CNTN5: variants seen among roughly 807,000 people sequenced by gnomAD.
CNTN5 encodes contactin 5.
In CNTN5, 77 loss-of-function variants were observed where a neutral mutation model predicts 129.1. The observed-to-expected ratio is 0.60, with a 90% CI of 0.50 to 0.72. The LOEUF (loss-of-function observed/expected upper bound fraction) is 0.72. Ranked by LOEUF, CNTN5 falls within the 30% of genes least tolerant of loss-of-function variation. The probability of loss-of-function intolerance (pLI) is 0.00; values close to 1 mark genes in which losing one functional copy is unlikely to be tolerated. For synonymous variants in CNTN5, 509 were observed against 465.6 expected, an observed-to-expected ratio of 1.09 and a Z score of -1.20; for missense variants, 1,478 against 1,328.8, an observed-to-expected ratio of 1.11 and a Z score of -1.75.
chr11:100,197,127 ATC>A (rs1464331115), intron 15 of CNTN5, among the ~76,000 whole-genome samples: 4 of 151,958 alleles, frequency 2.6e-5, no homozygotes, highest in Non-Finnish European at 5.9e-5. Context: ...GAGAAGCTGC[ATC>A]TCAGACAGAG....
At chr11:99,492,094 G>C (rs1418217312) in intron 2 of CNTN5, among the ~76,000 whole-genome samples, 1 of 152,054 alleles carries the variant, frequency 6.6e-6, no homozygotes, top group African/African-American at 2.4e-5. Context: ...TTTGTTGAGG[G>C]GAGCCATCTG....
chr11:100,002,217 T>C, intron 9 of CNTN5, 81 bp downstream of exon 9: 3 of 914,230 alleles, frequency 3.3e-6, no homozygotes, highest in Non-Finnish European at 4.7e-6. Flanking sequence ...CTTATTTTGC[T>C]AGGTGTCATT....
chr11:99,294,404 C>T (rs1453387436), intron 1 of CNTN5, among the ~76,000 whole-genome samples: 1 of 152,074 alleles, frequency 6.6e-6, no homozygotes, highest in East Asian at 1.9e-4. Context: ...ATTAGGAAAG[C>T]AATCCCATTT....
intron 3 of CNTN5, among the ~76,000 whole-genome samples, chr11:99,712,339 T>C (rs949811484): frequency 2.2e-4 from 33 of 152,274 alleles, no homozygotes; most frequent in African/African-American, 7.9e-4. Flanking sequence ...TTTGTTTTCT[T>C]GTAAATTTGA....
At chr11:100,307,542 C>G (rs1317712633) in intron 20 of CNTN5, among the ~76,000 whole-genome samples, 3 of 151,462 alleles carry the variant, frequency 2.0e-5, no homozygotes, top group Non-Finnish European at 4.4e-5. Context: ...TGTGAAAGGT[C>G]ACTGAATGTA....
At chr11:100,166,792 CTGTT>C (rs142590887) in intron 13 of CNTN5, among the ~76,000 whole-genome samples, 2,320 of 151,894 alleles carry the variant, frequency 0.015, 24 homozygotes, top group Non-Finnish European at 0.022. Context: ...GGTGGATTCT[CTGTT>C]TGGTCAGATA....
At chr11:100,292,539 G>A (rs371808043) in intron 18 of CNTN5, among the ~76,000 whole-genome samples, 11 of 152,036 alleles carry the variant, frequency 7.2e-5, no homozygotes, top group Admixed American at 2.6e-4. Flanking sequence ...AGAAAACTCC[G>A]AAACTCAGTA....
chr11:99,735,381 G>A (rs958894945), intron 3 of CNTN5, among the ~76,000 whole-genome samples: 1 of 152,146 alleles, frequency 6.6e-6, no homozygotes, highest in Non-Finnish European at 1.5e-5. Context: ...ATTTTAAAAA[G>A]TAGAAGGTAT....
intron 7 of CNTN5, among the ~76,000 whole-genome samples, chr11:99,919,973 C>T (rs1949895597): frequency 6.6e-6 from 1 of 151,960 alleles, no homozygotes; most frequent in Non-Finnish European, 1.5e-5. Flanking sequence ...CATTTTAATG[C>T]AATCATACAA....
intron 3 of CNTN5, among the ~76,000 whole-genome samples, chr11:99,732,211 A>G (rs1246724630): frequency 6.6e-6 from 1 of 150,606 alleles, no homozygotes; most frequent in Non-Finnish European, 1.5e-5. Flanking sequence ...GATAGTGAAT[A>G]ATGAAAAACT....
chr11:99,855,376 A>G (rs1948000525), intron 6 of CNTN5, among the ~76,000 whole-genome samples: 1 of 152,214 alleles, frequency 6.6e-6, no homozygotes, highest in African/African-American at 2.4e-5. Context: ...CAAGTTCAGT[A>G]TGATAGAAAC....
intron 2 of CNTN5, among the ~76,000 whole-genome samples, chr11:99,436,939 T>C (rs532310716): frequency 6.6e-6 from 1 of 152,280 alleles, no homozygotes; most frequent in African/African-American, 2.4e-5. Flanking sequence ...TCTACCTTCA[T>C]GATGTTAATT....
chr11:99,143,149 A>T (rs907075551), intron 1 of CNTN5, among the ~76,000 whole-genome samples: 22 of 151,996 alleles, frequency 1.4e-4, no homozygotes, highest in African/African-American at 5.3e-4. Flanking sequence ...TTATCCGATG[A>T]CATTAAGGCA....
chr11:99,597,052 G>A (rs1950148472), intron 3 of CNTN5, among the ~76,000 whole-genome samples: 1 of 152,086 alleles, frequency 6.6e-6, no homozygotes. Context: ...GCTATACATA[G>A]TATTCATTTT....
intron 21 of CNTN5, among the ~76,000 whole-genome samples, chr11:100,327,099 T>C (rs1951805063): frequency 6.6e-6 from 1 of 152,250 alleles, no homozygotes; most frequent in Non-Finnish European, 1.5e-5. Context: ...ATCTAATTTA[T>C]GTAGTTTAAA....
chr11:99,356,398 A>G (rs560786407), intron 2 of CNTN5, among the ~76,000 whole-genome samples: 1 of 152,330 alleles, frequency 6.6e-6, no homozygotes, highest in South Asian at 2.1e-4. Context: ...TTCACAGGTA[A>G]GAAAGTTGGC....
chr11:99,239,976 T>C (rs796081533), intron 1 of CNTN5, among the ~76,000 whole-genome samples: 3 of 152,004 alleles, frequency 2.0e-5, no homozygotes, highest in African/African-American at 7.2e-5. Context: ...CGAGTAGTCC[T>C]CTTTTAATAT....
chr11:99,533,831 T>G (rs1947802927), intron 2 of CNTN5, among the ~76,000 whole-genome samples: 1 of 152,202 alleles, frequency 6.6e-6, no homozygotes, highest in Admixed American at 6.5e-5. Flanking sequence ...GGATAGAGAC[T>G]GAGATAGCCG....
At chr11:99,312,050 A>G (rs1228166285) in intron 1 of CNTN5, among the ~76,000 whole-genome samples, 3 of 152,180 alleles carry the variant, frequency 2.0e-5, no homozygotes, top group African/African-American at 7.2e-5. Context: ...GTGGCCACAA[A>G]TTCATTCTTT....
Sources: gnomAD v4.1 joint callset for allele counts (sites outside exome capture counted in the v4.1 genomes callset) on GRCh38, gnomAD v4.1.1 for gene constraint, MANE v1.5 for transcripts, NCBI Gene and HGNC (gene_info 2026-07-23, HGNC 2026-07-21) for gene names.